Variants in MANEA observed in about 807,000 individuals in gnomAD.
The protein encoded by MANEA is glycoprotein endo-alpha-1,2-mannosidase.
A neutral mutation model predicts 36.8 loss-of-function variants in MANEA; 25 were observed. That is an observed-to-expected ratio of 0.68 (90% CI 0.50 to 0.95). The LOEUF (loss-of-function observed/expected upper bound fraction) is 0.95. Among genes scored for constraint, MANEA ranks in the 40% least tolerant of loss-of-function variants. The pLI is 0.00. For synonymous variants in MANEA, 198 were observed against 188.5 expected (o/e 1.05, Z -0.41); for missense variants, 565 against 558.8 (o/e 1.01, Z -0.11).
At chr6:95,579,529 A>G (rs892653535) in intron 1 of MANEA, among the ~76,000 whole-genome samples, 1 of 152,172 alleles carries the variant, frequency 6.6e-6, no homozygotes, top group African/African-American at 2.4e-5. Flanking sequence ...ATTGAGTTAT[A>G]TTTATCTCCG....
At position 95,586,883 on chromosome 6, in the gene MANEA, T is replaced by C. The variant is rs1769293821; in HGVS notation, c.444T>C (p.Asp148=). 1 of 1,613,522 alleles carries C rather than the reference T, an allele frequency of 6.2e-7. No homozygotes were observed. The highest frequency in any genetic ancestry group is 1.7e-5 in the Admixed American group (1 of 59,994). ...NYPQGRHNPP[D]DIGSSFYPEL... is the part of the protein sequence containing the mutation. ...CACAAGGGAGACACAACCCTCCAGA[T>C]GACATTGGCTCCAGCTTTTATCCTG... Residue 148 remains aspartate (D), a synonymous_variant, in exon 2 of 5, where the codon GAT becomes GAC. Transcript: ENST00000358812.
chr6:95,592,983 G>A (rs1387098770), intron 2 of MANEA, among the ~76,000 whole-genome samples: 1 of 152,132 alleles, frequency 6.6e-6, no homozygotes, highest in Admixed American at 6.5e-5. Flanking sequence ...TGGCATGGAG[G>A]GGTGACATGA....
At chr6:95,584,904 C>T (rs184048984) in intron 1 of MANEA, among the ~76,000 whole-genome samples, 6 of 152,254 alleles carry the variant, frequency 3.9e-5, no homozygotes, top group Non-Finnish European at 2.9e-5. Context: ...TGGGTTCCCC[C>T]GATAGAATAG....
intron 1 of MANEA, among the ~76,000 whole-genome samples, chr6:95,579,081 A>C (rs781360725): frequency 3.3e-5 from 5 of 152,166 alleles, no homozygotes; most frequent in Non-Finnish European, 7.4e-5. Context: ...GGTTAAAAAA[A>C]ATTCTGCGGC....
chr6:95,581,996 AGATAT>A (rs573812740), intron 1 of MANEA, among the ~76,000 whole-genome samples: 13 of 152,180 alleles, frequency 8.5e-5, no homozygotes, highest in African/African-American at 3.1e-4. Flanking sequence ...TCTTTAATAC[AGATAT>A]GATATTATAT....
In MANEA at chr6:95,605,736, C is replaced by T. The variant is rs1187135030; in HGVS notation, c.732-12C>T. The T allele has an allele frequency of 6.3e-7, 1 of 1,589,794 alleles. No homozygotes were observed. The highest frequency in any genetic ancestry group is 8.6e-7 in the Non-Finnish European group (1 of 1,162,568). On this transcript the variant is annotated splice_polypyrimidine_tract_variant and intron_variant, in intron 4 of 4. Coordinates refer to ENST00000358812, the MANE Select transcript of MANEA (RefSeq NM_024641.4). ...AATATTCATTTCACTTTTATATATGCTTATTTTCTAGATATGGAAATCATC... is the reference window on the plus strand; with the variant it reads ...AATATTCATTTCACTTTTATATATGTTTATTTTCTAGATATGGAAATCATC...
chr6:95,602,175 T>C (rs1769606950), intron 3 of MANEA, among the ~76,000 whole-genome samples: 1 of 152,222 alleles, frequency 6.6e-6, no homozygotes, highest in Non-Finnish European at 1.5e-5. Context: ...AAATCATTAG[T>C]CCATTTATTT....
At chr6:95,600,250 C>T (rs1375744277) in intron 3 of MANEA, among the ~76,000 whole-genome samples, 1 of 152,028 alleles carries the variant, frequency 6.6e-6, no homozygotes, top group Non-Finnish European at 1.5e-5. Context: ...ACTTGGAACA[C>T]GATAGACTAA....
Position 95,607,140 on chromosome 6 carries a change from G to T in MANEA, c.*735G>T, listed in dbSNP as rs9481750. On this transcript the variant is annotated 3_prime_UTR_variant, in exon 5 of 5. Transcript: ENST00000358812. ...CGCTAGGTGTTTTGACATGTTTAGTGTTTCTGCTTTACAGTGCTGAATTCC... is the reference window on the plus strand; with the variant it reads ...CGCTAGGTGTTTTGACATGTTTAGTTTTTCTGCTTTACAGTGCTGAATTCC... The T allele has an allele frequency of 6.6e-6, 1 of 151,994 alleles. No homozygotes were observed. The highest frequency in any genetic ancestry group is 1.5e-5 in the Non-Finnish European group (1 of 67,948). 9.4% of individuals were successfully genotyped at this position (151,994 alleles called of 1,614,324 possible). A position where few individuals can be genotyped will look rare whatever the true frequency, so the allele number is the denominator to read the frequency against.
At chr6:95,603,664 A>G (rs1303295610) in intron 3 of MANEA, among the ~76,000 whole-genome samples, 2 of 152,202 alleles carry the variant, frequency 1.3e-5, no homozygotes, top group East Asian at 1.9e-4. Context: ...TCATATTGCA[A>G]TAGAAGTCTC....
At chr6:95,581,936 A>G (rs1479746753) in intron 1 of MANEA, among the ~76,000 whole-genome samples, 1 of 152,108 alleles carries the variant, frequency 6.6e-6, no homozygotes, top group Non-Finnish European at 1.5e-5. Context: ...CTGTTGTCTC[A>G]TCCAGACATA....
intron 2 of MANEA, among the ~76,000 whole-genome samples, chr6:95,593,451 A>G (rs1013339605): frequency 1.3e-5 from 2 of 152,174 alleles, no homozygotes; most frequent in African/African-American, 4.8e-5. Flanking sequence ...AAATTACTAG[A>G]CCAAGAATGG....
chr6:95,607,669 T>A lies in MANEA; in HGVS notation c.*1264T>A, dbSNP rs1182141811. ...TACTTGTTATCAATAACTTGTCATG[T>A]TGTGACAAATTGATCACTTGTGTAC... is the stretch of plus-strand genomic sequence containing the variant. On this transcript the variant is annotated 3_prime_UTR_variant, in exon 5 of 5. Transcript: ENST00000358812. The A allele has an allele frequency of 6.6e-6, 1 of 151,792 alleles. No individual in the cohort carries two copies. Among genetic ancestry groups the A allele is most frequent in the African/African-American group, 2.4e-5 (1 of 41,430 alleles). The allele number at this position is 151,792 out of a possible 1,614,324, so 9.4% of individuals were successfully genotyped here. A position where few individuals can be genotyped will look rare whatever the true frequency, so the allele number is the denominator to read the frequency against.
intron 2 of MANEA, among the ~76,000 whole-genome samples, chr6:95,589,194 A>G (rs1448313491): frequency 2.6e-5 from 4 of 152,162 alleles, no homozygotes; most frequent in African/African-American, 7.2e-5. Flanking sequence ...CAGGCAGAAA[A>G]TAATTTGACT....
At chr6:95,597,997 A>C (rs968264282) in intron 3 of MANEA, among the ~76,000 whole-genome samples, 15 of 152,226 alleles carry the variant, frequency 9.9e-5, no homozygotes, top group African/African-American at 3.6e-4. Flanking sequence ...ATTTTATATC[A>C]GTCTATTTAA....
At chr6:95,593,814 G>A (rs557187689) in intron 2 of MANEA, among the ~76,000 whole-genome samples, 16 of 152,202 alleles carry the variant, frequency 1.1e-4, no homozygotes, top group Admixed American at 8.5e-4. Flanking sequence ...TTGGGAGGCC[G>A]AGGTGGGAGG....
At chr6:95,581,606 T>G (rs190456131) in intron 1 of MANEA, among the ~76,000 whole-genome samples, 1 of 152,328 alleles carries the variant, frequency 6.6e-6, no homozygotes. Context: ...GTTTTATCAG[T>G]AGGCAAAACA....
At chr6:95,593,440 G>T (rs1438997846) in intron 2 of MANEA, among the ~76,000 whole-genome samples, 5 of 152,166 alleles carry the variant, frequency 3.3e-5, no homozygotes, top group Non-Finnish European at 7.4e-5. Context: ...AAGAGGAAGA[G>T]AAATTACTAG....
At chr6:95,601,752 A>ATTTTTTT (rs1769598386) in intron 3 of MANEA, among the ~76,000 whole-genome samples, 1 of 65,642 alleles carries the variant, frequency 1.5e-5, no homozygotes, top group Non-Finnish European at 2.9e-5. Flanking sequence ...TTTGCTTAGG[A>ATTTTTTT]TTATAGGGGA....
Sources: gnomAD v4.1 joint callset for allele counts (sites outside exome capture counted in the v4.1 genomes callset) on GRCh38, gnomAD v4.1.1 for gene constraint, MANE v1.5 for transcripts, NCBI Gene and HGNC (gene_info 2026-07-23, HGNC 2026-07-21) for gene names.